The following CHST11 variants were observed in gnomAD, a reference collection of about 807,000 sequenced individuals.
CHST11 encodes carbohydrate sulfotransferase 11, also known as C4S-1.
In CHST11, 9 loss-of-function variants were observed where a neutral mutation model predicts 30.4. The observed-to-expected ratio is 0.30, with a 90% CI of 0.18 to 0.52. The LOEUF (loss-of-function observed/expected upper bound fraction) is 0.52, where lower values mean the gene tolerates loss of function less well. CHST11 is among the 20% of genes least tolerant of loss of function. The pLI is 0.97. For synonymous variants in CHST11, 152 were observed against 187.8 expected (o/e 0.81, Z 1.56); for missense variants, 348 against 460.6 (o/e 0.76, Z 2.24).
intron 1 of CHST11, among the ~76,000 whole-genome samples, chr12:104,506,062 G>T (rs1036206778): frequency 9.2e-5 from 14 of 152,166 alleles, no homozygotes; most frequent in African/African-American, 3.4e-4. Context: ...TTCAAATTCT[G>T]GAAACATGGT....
At chr12:104,719,755 T>TG (rs2040158887) in intron 2 of CHST11, among the ~76,000 whole-genome samples, 2 of 152,140 alleles carry the variant, frequency 1.3e-5, no homozygotes, top group Admixed American at 1.3e-4. Flanking sequence ...GGCTGTGGCA[T>TG]GGAGGATGGA....
chr12:104,587,131 C>A (rs376847640), intron 1 of CHST11, among the ~76,000 whole-genome samples: 1 of 152,290 alleles, frequency 6.6e-6, no homozygotes, highest in East Asian at 1.9e-4. Context: ...AGGTCTTTTT[C>A]ATGTCACTGT....
intron 2 of CHST11, among the ~76,000 whole-genome samples, chr12:104,691,461 G>A (rs1445207670): frequency 6.6e-6 from 1 of 151,806 alleles, no homozygotes; most frequent in Non-Finnish European, 1.5e-5. Context: ...CTGGGGGCGG[G>A]GGGGAAACCA....
intron 1 of CHST11, among the ~76,000 whole-genome samples, chr12:104,490,393 GT>G (rs2037733463): frequency 6.6e-6 from 1 of 152,152 alleles, no homozygotes; most frequent in Non-Finnish European, 1.5e-5. Context: ...CCTGTTTAAG[GT>G]TCTCAGGTAT....
intron 1 of CHST11, among the ~76,000 whole-genome samples, chr12:104,582,796 G>A (rs1015028567): frequency 6.6e-6 from 1 of 151,656 alleles, no homozygotes; most frequent in African/African-American, 2.4e-5. Flanking sequence ...TGAAGTGCCT[G>A]CCTGGCATTC....
chr12:104,730,048 G>A (rs1253941945), intron 2 of CHST11, among the ~76,000 whole-genome samples: 2 of 152,312 alleles, frequency 1.3e-5, no homozygotes, highest in East Asian at 3.9e-4. Context: ...ACTGGCTGGT[G>A]TCAGCTGACA....
chr12:104,494,095 C>T (rs1038351737), intron 1 of CHST11, among the ~76,000 whole-genome samples: 5 of 152,182 alleles, frequency 3.3e-5, no homozygotes, highest in African/African-American at 1.2e-4. Flanking sequence ...GTGTGAGCCA[C>T]CGTGCCTGGC....
chr12:104,601,649 T>A (rs1168186682), intron 1 of CHST11, among the ~76,000 whole-genome samples: 1 of 152,248 alleles, frequency 6.6e-6, no homozygotes, highest in Non-Finnish European at 1.5e-5. Flanking sequence ...ATGCCTGTCC[T>A]GTTTTCTTAA....
At chr12:104,653,856 T>A (rs1296593262) in intron 2 of CHST11, among the ~76,000 whole-genome samples, 1 of 152,190 alleles carries the variant, frequency 6.6e-6, no homozygotes, top group African/African-American at 2.4e-5. Context: ...GGCTCTAGGT[T>A]CCTGAACTGC....
At chr12:104,616,344 G>A (rs1423598247) in intron 2 of CHST11, among the ~76,000 whole-genome samples, 1 of 152,148 alleles carries the variant, frequency 6.6e-6, no homozygotes, top group Non-Finnish European at 1.5e-5. Context: ...CCAAGTTTGA[G>A]AACCACCTCT....
At chr12:104,670,011 T>G (rs985086852) in intron 2 of CHST11, among the ~76,000 whole-genome samples, 2 of 152,260 alleles carry the variant, frequency 1.3e-5, no homozygotes, top group African/African-American at 4.8e-5. Context: ...AGGCCCTTAA[T>G]AAATCTAAGT....
rs200540602 is a variant in CHST11, at chr12:104,657,022, A to T, written c.204+55031A>T. On this transcript the variant is annotated intron_variant, in intron 2 of 2. Transcript: ENST00000303694. ...TCAAACTTCATCCTTTTTTTTTTTT[A>T]AATTGATGAAGAAAGCGTGGCATTG... is the stretch of plus-strand genomic sequence containing the variant. Among the ~76,000 whole-genome samples the T allele has an allele frequency of 6.0e-4, 79 of 130,802 alleles. 1 individual carries two copies. Among genetic ancestry groups the T allele is most frequent in the African/African-American group, 2.2e-3 (75 of 33,570 alleles). 85.8% of individuals were successfully genotyped at this position (130,802 alleles called of 152,430 possible). A position where few individuals can be genotyped will look rare whatever the true frequency, so the allele number is the denominator to read the frequency against.
intron 2 of CHST11, among the ~76,000 whole-genome samples, chr12:104,693,242 T>C (rs910729113): frequency 1.3e-5 from 2 of 152,232 alleles, no homozygotes; most frequent in Non-Finnish European, 2.9e-5. Flanking sequence ...TCTGAAGTGC[T>C]GGGGGCTAAG....
intron 2 of CHST11, among the ~76,000 whole-genome samples, chr12:104,678,805 G>A (rs973059276): frequency 1.6e-4 from 25 of 152,092 alleles, no homozygotes; most frequent in African/African-American, 4.3e-4. Flanking sequence ...TCTACTGTGC[G>A]TCAGGCTCTC....
rs146080977 is a variant in CHST11 at position 104,468,535 on chromosome 12, C to T, written c.118+11006C>T. On this transcript the variant is annotated intron_variant, in intron 1 of 2. Transcript: ENST00000303694. Reference sequence around the variant, plus strand: ...GGGCTCTCATTTGGGCATTACTCTTCCCATCCACCCTAAAGATTGGCGAGA... The same window carrying T: ...GGGCTCTCATTTGGGCATTACTCTTTCCATCCACCCTAAAGATTGGCGAGA... 2.2e-4 allele frequency among the ~76,000 whole-genome samples: 33 copies of T among 152,314 alleles called. No individual in the cohort carries two copies. In the East Asian group the frequency reaches 5.6e-3, roughly 26 times the overall value.
intron 1 of CHST11, among the ~76,000 whole-genome samples, chr12:104,523,102 A>G (rs889732318): frequency 6.6e-6 from 1 of 152,266 alleles, no homozygotes. Context: ...ATAGTACTAA[A>G]GACAACCAGA....
chr12:104,529,782 T>C (rs897253036), intron 1 of CHST11, among the ~76,000 whole-genome samples: 1 of 152,198 alleles, frequency 6.6e-6, no homozygotes, highest in Non-Finnish European at 1.5e-5. Flanking sequence ...CTCATCTCAC[T>C]GGCCAAAGCT....
chr12:104,505,889 A>C (rs1247039263), intron 1 of CHST11, among the ~76,000 whole-genome samples: 1 of 152,208 alleles, frequency 6.6e-6, no homozygotes, highest in African/African-American at 2.4e-5. Context: ...GAGGTGATTG[A>C]AAGCATTATC....
rs146764573 is a variant in CHST11, at chr12:104,584,090, A to G, written c.119-17816A>G. 4.0e-3 allele frequency among the ~76,000 whole-genome samples: 602 copies of G among 152,312 alleles called. 1 individual carries two copies. The highest frequency in any genetic ancestry group is 0.014 in the African/African-American group (574 of 41,562). ...GTTTGGTTTTTGTTGGGGAAATTCC[A>G]ACTCTTTGTTTAGAACTTGCCTGAT... On this transcript the variant is annotated intron_variant, in intron 1 of 2. Transcript: ENST00000303694.
Sources: gnomAD v4.1 joint callset for allele counts (sites outside exome capture counted in the v4.1 genomes callset) on GRCh38, gnomAD v4.1.1 for gene constraint, MANE v1.5 for transcripts, NCBI Gene and HGNC (gene_info 2026-07-23, HGNC 2026-07-21) for gene names.